DPP3: variants seen among roughly 807,000 people sequenced by gnomAD.
DPP3 encodes dipeptidyl peptidase 3.
DPP3 carries 64 observed loss-of-function variants against 89.8 expected under a neutral mutation model. The observed-to-expected ratio is 0.71, with a 90% CI of 0.58 to 0.88. The LOEUF is 0.88. Among genes scored for constraint, DPP3 ranks in the 40% least tolerant of loss-of-function variants. DPP3 has a pLI of 0.00. For synonymous variants in DPP3, 377 were observed against 404.3 expected (o/e 0.93, Z 0.81); for missense variants, 835 against 972.5 (o/e 0.86, Z 1.88).
rs201608548 is a variant in DPP3 at position 66,493,195 on chromosome 11, C to T, written c.1296+16C>T. Reference sequence around the variant, plus strand: ...GGATGACAAGGTGGGCGCCAGCAGTCGGAGGGTCGGGGCTGGGCCTCACCT... The same window carrying T: ...GGATGACAAGGTGGGCGCCAGCAGTTGGAGGGTCGGGGCTGGGCCTCACCT... On this transcript the variant is annotated intron_variant, in intron 11 of 17. Transcript: ENST00000531863. 173 of 1,608,038 alleles carry T rather than the reference C, an allele frequency of 1.1e-4. No homozygotes were observed. Among genetic ancestry groups the T allele is most frequent in the Non-Finnish European group, 1.4e-4 (167 of 1,176,390 alleles).
At chr11:66,493,753 A>G in intron 12 of DPP3, 120 bp downstream of exon 12, 1 of 1,054,320 alleles carries the variant, frequency 9.5e-7, no homozygotes, top group Non-Finnish European at 1.4e-6. Context: ...TTGAGTGGGG[A>G]AAATGGCCCC....
intron 10 of DPP3, 28 bp from the exon 11 acceptor site, chr11:66,493,038 TC>T (rs766008959): frequency 6.2e-7 from 1 of 1,613,470 alleles, no homozygotes; most frequent in South Asian, 1.1e-5. Context: ...CCTCACCTCT[TC>T]TTTCTGGTCC....
At chr11:66,490,215 G>A (rs1166865609) in intron 6 of DPP3, among the ~76,000 whole-genome samples, 2 of 138,536 alleles carry the variant, frequency 1.4e-5, no homozygotes, top group East Asian at 4.9e-4. Context: ...TTGCTTGTTT[G>A]TTTGTTTTTA....
In DPP3 at chr11:66,493,576, T is replaced by C. The variant is rs1485956329; in HGVS notation, c.1332T>C (p.Asp444=). The C allele has an allele frequency of 1.1e-5, 17 of 1,613,094 alleles. No homozygotes were observed. Among genetic ancestry groups the C allele is most frequent in the Non-Finnish European group, 1.4e-5 (16 of 1,179,926 alleles). ...LYILWKGPSF[D]VQVGLHELLG... Reference sequence around the variant, plus strand: ...TCCTCTGGAAGGGGCCCTCCTTCGATGTGCAGGTGGGCCTGCACGAGCTGC... The same window carrying C: ...TCCTCTGGAAGGGGCCCTCCTTCGACGTGCAGGTGGGCCTGCACGAGCTGC... The change falls in exon 12 of 18, where the codon GAT becomes GAC. Residue 444 remains aspartate (D), a synonymous_variant. Coordinates refer to ENST00000531863, the MANE Select transcript of DPP3 (RefSeq NM_130443.4).
chr11:66,489,494 C>T (rs990469709), intron 6 of DPP3, among the ~76,000 whole-genome samples: 2 of 152,180 alleles, frequency 1.3e-5, no homozygotes, highest in African/African-American at 4.8e-5. Context: ...AGGAGTGGAT[C>T]TCACTGGAAC....
At chr11:66,502,248 G>T (rs1855696348) in intron 16 of DPP3, among the ~76,000 whole-genome samples, 1 of 151,726 alleles carries the variant, frequency 6.6e-6, no homozygotes, top group South Asian at 2.1e-4. Context: ...CAGCCACAGA[G>T]TGCAGTCAAG....
Position 66,485,111 on chromosome 11 carries a change from A to T in DPP3, c.271-62A>T, listed in dbSNP as rs1172261993. 5 of 1,467,004 alleles carry T rather than the reference A, an allele frequency of 3.4e-6. No individual in the cohort carries two copies. The African/African-American group carries it at 7.0e-5, about 20-fold the overall frequency. The allele number at this position is 1,467,004 out of a possible 1,614,324, so 90.9% of individuals were successfully genotyped here. A position where few individuals can be genotyped will look rare whatever the true frequency, so the allele number is the denominator to read the frequency against. On this transcript the variant is annotated intron_variant, in intron 2 of 17. Transcript: ENST00000531863. ...GCTGGGGCATTCGCATCTCAGGAGG[A>T]GGTGTCGCTGGGGTCAGGGAGGCTG... is the stretch of plus-strand genomic sequence containing the variant.
Position 66,491,325 on chromosome 11 carries a change from C to T in DPP3, c.740C>T (p.Thr247Ile). 1 of 1,614,032 alleles carries T rather than the reference C, an allele frequency of 6.2e-7. No homozygotes were observed. ...YEFRGSPFQV[T>I]RGDYAPILQK... ...TTCCGGGGAAGCCCTTTCCAGGTGA[C>T]CCGGGGGGACTACGCGCCCATCCTC... Residue 247 changes from threonine to isoleucine, a missense_variant, in exon 7 of 18, where the codon ACC (threonine) becomes ATC (isoleucine). By Grantham distance (89) the Thr-to-Ile change is moderately conservative. Coordinates refer to ENST00000531863, the MANE Select transcript of DPP3 (RefSeq NM_130443.4).
chr11:66,494,337 G>T (rs753834294), intron 12 of DPP3, among the ~76,000 whole-genome samples: 1 of 152,214 alleles, frequency 6.6e-6, no homozygotes, highest in Non-Finnish European at 1.5e-5. Flanking sequence ...CCTGCTTCTC[G>T]GGGTGTGGGG....
intron 12 of DPP3, among the ~76,000 whole-genome samples, chr11:66,494,225 T>G (rs1173043902): frequency 6.6e-6 from 1 of 151,944 alleles, no homozygotes; most frequent in Non-Finnish European, 1.5e-5. Flanking sequence ...AGACAGTCAT[T>G]TATGGGGGGC....
chr11:66,485,673 A>G (rs956065302), intron 3 of DPP3, among the ~76,000 whole-genome samples: 2 of 152,172 alleles, frequency 1.3e-5, no homozygotes, highest in Non-Finnish European at 2.9e-5. Flanking sequence ...CGGGACTTCA[A>G]TATGCACACA....
chr11:66,493,494 G>A (rs1322349839), intron 11 of DPP3, 47 bp from the exon 12 acceptor site: 2 of 1,595,118 alleles, frequency 1.3e-6, no homozygotes, highest in Non-Finnish European at 1.7e-6. Flanking sequence ...AGGCTGTATA[G>A]CCAGGGCTGG....
chr11:66,497,505 G>T, intron 16 of DPP3, 28 bp downstream of exon 16: 1 of 1,601,074 alleles, frequency 6.2e-7, no homozygotes, highest in Non-Finnish European at 8.5e-7. Context: ...GTCTGGATGG[G>T]TCCCCACCAA....
chr11:66,484,544 G>A (rs2134718332), intron 2 of DPP3, among the ~76,000 whole-genome samples: 1 of 152,162 alleles, frequency 6.6e-6, no homozygotes, highest in African/African-American at 2.4e-5. Context: ...GAAATGTCCT[G>A]GGTAGCTCTC....
chr11:66,486,643 A>T lies in DPP3; in HGVS notation c.464A>T (p.Glu155Val). 6.4e-7 allele frequency: 1 copy of T among 1,572,786 alleles called. No individual in the cohort carries two copies. The highest frequency in any genetic ancestry group is 8.6e-7 in the Non-Finnish European group (1 of 1,158,548). The change falls in exon 4 of 18, where the codon GAG becomes GTG. Residue 155 changes from glutamate to valine, a missense_variant. By Grantham distance (121) the Glu-to-Val change is moderately radical. Transcript: ENST00000531863. The part of the protein sequence containing the change: ...QTCGELMFSL[E>V]PRLRHLGLGK... ...TGCGGGGAGCTTATGTTCTCTCTGGAGCCAAGGCTTCGACACCTCGGACTG... is the reference window on the plus strand; with the variant it reads ...TGCGGGGAGCTTATGTTCTCTCTGGTGCCAAGGCTTCGACACCTCGGACTG...
chr11:66,483,479 A>C (rs150769872), intron 2 of DPP3, among the ~76,000 whole-genome samples: 5 of 152,126 alleles, frequency 3.3e-5, no homozygotes, highest in Admixed American at 2.0e-4. Flanking sequence ...CCATGTCTTG[A>C]AGAACTTGGA....
rs562153616 is a variant in DPP3, at chr11:66,487,934, C to T, written c.594C>T (p.Thr198=). 4 of 1,614,026 alleles carry T rather than the reference C, an allele frequency of 2.5e-6. No homozygotes were observed. The East Asian group carries it at 8.9e-5, about 36-fold the overall frequency. Residue 198 remains threonine, a synonymous_variant, in exon 6 of 18, where the codon ACC becomes ACT. Coordinates refer to ENST00000531863, the MANE Select transcript of DPP3 (RefSeq NM_130443.4). ...LDSQNLSAYN[T]RLFKEVDGEG... ...TCTAGAACCTCAGTGCCTACAACAC[C>T]CGGCTCTTCAAAGAGGTCGATGGAG...
In DPP3 at chr11:66,497,308, A is replaced by G. The variant is rs1855563454; in HGVS notation, c.1709A>G (p.Gln570Arg). The change falls in exon 16 of 18, where the codon CAG (glutamine) becomes CGG (arginine). Residue 570 changes from glutamine to arginine, a missense_variant. Physicochemically the swap from Gln to Arg is conservative, Grantham distance 43. Coordinates refer to ENST00000531863, the MANE Select transcript of DPP3 (RefSeq NM_130443.4). The part of the protein sequence containing the change: ...EAFNWRQAHM[Q>R]ARFVILRVLL... ...CCCCTGCTCCGGCAGGCCCATATGC[A>G]GGCCCGGTTTGTGATCCTGAGAGTC... 3.7e-6 allele frequency: 6 copies of G among 1,613,716 alleles called. No individual in the cohort carries two copies. The highest frequency in any genetic ancestry group is 4.5e-5 in the East Asian group (2 of 44,880).
In DPP3 at chr11:66,491,713, C is replaced by T. The variant is rs188745185; in HGVS notation, c.945C>T (p.Ile315=). Residue 315 remains isoleucine (I), a synonymous_variant, in exon 9 of 18, where the codon ATC becomes ATT. Coordinates refer to ENST00000531863, the MANE Select transcript of DPP3 (RefSeq NM_130443.4). The part of the protein sequence containing the change: ...GPIVESYIGF[I]ESYRDPFGSR... ...TCTCCCCCAGTTACATCGGGTTCAT[C>T]GAGAGCTACCGCGACCCCTTTGGTT... The T allele has an allele frequency of 4.4e-4, 709 of 1,612,774 alleles. 4 individuals are homozygous for T. In the Admixed American group the frequency reaches 7.8e-3, roughly 18 times the overall value.
Sources: allele counts gnomAD v4.1 joint callset (sites outside exome capture counted in the v4.1 genomes callset), GRCh38; gene constraint gnomAD v4.1.1; transcripts MANE v1.5; gene names NCBI Gene and HGNC (gene_info 2026-07-23, HGNC 2026-07-21).